OXCT1: variants seen among roughly 807,000 people sequenced by gnomAD.
OXCT1 encodes 3-oxoacid CoA-transferase 1.
A neutral mutation model predicts 69.6 loss-of-function variants in OXCT1; 27 were observed. The ratio of observed to expected loss-of-function variants is 0.39; its 90% confidence interval spans 0.29 to 0.54. The LOEUF is 0.54. OXCT1 is among the 20% of genes least tolerant of loss of function. The pLI, the probability that OXCT1 is intolerant of heterozygous loss-of-function variation, is 0.72. For synonymous variants in OXCT1, 202 were observed against 217.8 expected, an observed-to-expected ratio of 0.93 and a Z score of 0.64; for missense variants, 437 against 650.2, an observed-to-expected ratio of 0.67 and a Z score of 3.57.
intron 5 of OXCT1, among the ~76,000 whole-genome samples, chr5:41,848,077 CAA>C (rs1415306240): frequency 6.9e-6 from 1 of 144,806 alleles, no homozygotes; most frequent in Non-Finnish European, 1.5e-5. Flanking sequence ...GCAACTTCAG[CAA>C]AGTCTCAGGA....
intron 1 of OXCT1, among the ~76,000 whole-genome samples, chr5:41,866,978 G>C (rs1750012253): frequency 6.6e-6 from 1 of 152,246 alleles, no homozygotes; most frequent in Non-Finnish European, 1.5e-5. Flanking sequence ...GCGGGATCAG[G>C]TCTCATGGAG....
chr5:41,847,629 C>T (rs1394493245), intron 5 of OXCT1, among the ~76,000 whole-genome samples: 1 of 151,736 alleles, frequency 6.6e-6, no homozygotes, highest in Non-Finnish European at 1.5e-5. Context: ...GTTCAATATA[C>T]ACAAATCAAT....
chr5:41,778,475 C>T (rs1308569106), intron 13 of OXCT1, among the ~76,000 whole-genome samples: 1 of 152,214 alleles, frequency 6.6e-6, no homozygotes, highest in Non-Finnish European at 1.5e-5. Flanking sequence ...CGCATGTTCA[C>T]TCAGTCCCAA....
At chr5:41,737,105 G>A (rs1318402970) in intron 16 of OXCT1, among the ~76,000 whole-genome samples, 1 of 152,224 alleles carries the variant, frequency 6.6e-6, no homozygotes, top group African/African-American at 2.4e-5. Context: ...CTGTCAGAGT[G>A]TAAAGAGATG....
intron 3 of OXCT1, 66 bp downstream of exon 3, chr5:41,861,248 A>T (rs1449369809): frequency 1.7e-5 from 17 of 1,021,274 alleles, no homozygotes; most frequent in Non-Finnish European, 2.6e-5. Flanking sequence ...TTCATTGATA[A>T]ACTCTGTTTA....
rs1305678568 is a variant in OXCT1 at position 41,731,799 on chromosome 5, T to G, written c.1522-29A>C. Reference sequence around the variant, plus strand: ...GTAAAAGAGGAAAAAAAAATCAAATTATGAAAAACTGCATGATATAAATCT... The same window carrying G: ...GTAAAAGAGGAAAAAAAAATCAAATGATGAAAAACTGCATGATATAAATCT... On this transcript the variant is annotated intron_variant, in intron 16 of 16. Transcript: ENST00000196371. The G allele has an allele frequency of 1.9e-6, 3 of 1,595,666 alleles. No individual in the cohort carries two copies. The South Asian group carries it at 3.4e-5, about 18-fold the overall frequency.
rs192688023 is a variant in OXCT1, at chr5:41,730,151, C to T, written c.*1578G>A. ...TCAATCAAGAATATAAAGTCATCTACTTAGAATCACATTATCTTAAAGATG... is the reference window on the plus strand; with the variant it reads ...TCAATCAAGAATATAAAGTCATCTATTTAGAATCACATTATCTTAAAGATG... On this transcript the variant is annotated 3_prime_UTR_variant, in exon 17 of 17. Transcript: ENST00000196371. The T allele has an allele frequency of 6.6e-6, 1 of 152,262 alleles. No homozygotes were observed. Among genetic ancestry groups the T allele is most frequent in the East Asian group, 1.9e-4 (1 of 5,176 alleles). 9.4% of individuals were successfully genotyped at this position (152,262 alleles called of 1,614,324 possible). A position where few individuals can be genotyped will look rare whatever the true frequency, so the allele number is the denominator to read the frequency against.
intron 7 of OXCT1, among the ~76,000 whole-genome samples, chr5:41,813,145 C>G (rs1747068558): frequency 6.6e-6 from 1 of 152,020 alleles, no homozygotes; most frequent in African/African-American, 2.4e-5. Context: ...GAGCCTCTGA[C>G]CAAGCCCTTC....
intron 11 of OXCT1, among the ~76,000 whole-genome samples, chr5:41,800,536 C>T (rs1746373495): frequency 6.6e-6 from 1 of 151,532 alleles, no homozygotes; most frequent in South Asian, 2.1e-4. Context: ...CTGAGTTCCT[C>T]TACCAAAGGC....
At chr5:41,818,277 A>G (rs1279229465) in intron 7 of OXCT1, among the ~76,000 whole-genome samples, 4 of 152,184 alleles carry the variant, frequency 2.6e-5, no homozygotes, top group Non-Finnish European at 4.4e-5. Context: ...ATTAGCCACA[A>G]AAAGAGGGAG....
At chr5:41,746,840 G>T (rs1180586009) in intron 15 of OXCT1, among the ~76,000 whole-genome samples, 1 of 152,112 alleles carries the variant, frequency 6.6e-6, no homozygotes, top group East Asian at 1.9e-4. Context: ...GGATACACAG[G>T]TCAACTATTC....
intron 16 of OXCT1, among the ~76,000 whole-genome samples, chr5:41,733,244 CTT>C (rs35461928): frequency 0.011 from 1,423 of 128,004 alleles, 11 homozygotes; most frequent in African/African-American, 0.033. Flanking sequence ...TTTAGTGAAA[CTT>C]TTTTTTTTTT....
chr5:41,747,245 A>G (rs1039637415), intron 15 of OXCT1, among the ~76,000 whole-genome samples: 2 of 151,874 alleles, frequency 1.3e-5, no homozygotes, highest in East Asian at 3.9e-4. Context: ...CCTTGCTCCA[A>G]CCAGTTCCAC....
At chr5:41,814,113 T>C (rs1198205346) in intron 7 of OXCT1, among the ~76,000 whole-genome samples, 1 of 148,824 alleles carries the variant, frequency 6.7e-6, no homozygotes, top group East Asian at 1.9e-4. Context: ...TTATAAGCTA[T>C]TTTAAATCAT....
chr5:41,840,095 C>T (rs1305315784), intron 7 of OXCT1, among the ~76,000 whole-genome samples: 1 of 152,236 alleles, frequency 6.6e-6, no homozygotes, highest in East Asian at 1.9e-4. Flanking sequence ...ACAGTAAGAT[C>T]ATGAACTTCT....
chr5:41,782,557 A>G (rs1473405994), intron 13 of OXCT1, among the ~76,000 whole-genome samples: 2 of 152,062 alleles, frequency 1.3e-5, no homozygotes, highest in African/African-American at 2.4e-5. Flanking sequence ...TCTTTTGAGA[A>G]GTATCTGTTC....
Position 41,731,337 on chromosome 5 carries a change from C to A in OXCT1, c.*392G>T. On this transcript the variant is annotated 3_prime_UTR_variant, in exon 17 of 17. Transcript: ENST00000196371. ...ATCATGACAGCAACTCTCCTAACCA[C>A]AAAAATCACATATGTTATCTTTCTT... The A allele has an allele frequency of 9.8e-7, 1 of 1,016,970 alleles. No individual in the cohort carries two copies. Among genetic ancestry groups the A allele is most frequent in the Admixed American group, 5.2e-5 (1 of 19,302 alleles). 63.0% of individuals were successfully genotyped at this position (1,016,970 alleles called of 1,614,324 possible).
chr5:41,839,042 A>C (rs1252121999), intron 7 of OXCT1, among the ~76,000 whole-genome samples: 1 of 152,180 alleles, frequency 6.6e-6, no homozygotes, highest in Non-Finnish European at 1.5e-5. Context: ...GCATTCTGTG[A>C]TCCATCAGAG....
At chr5:41,797,126 A>C (rs780633310) in intron 11 of OXCT1, among the ~76,000 whole-genome samples, 40 of 152,374 alleles carry the variant, frequency 2.6e-4, no homozygotes, top group Non-Finnish European at 4.8e-4. Context: ...AACATTAAAA[A>C]TTCCAGTTCT....
Sources: allele counts gnomAD v4.1 joint callset (sites outside exome capture counted in the v4.1 genomes callset), GRCh38; gene constraint gnomAD v4.1.1; transcripts MANE v1.5; gene names NCBI Gene and HGNC (gene_info 2026-07-23, HGNC 2026-07-21).